The following CFAP97 variants were observed in gnomAD, a reference collection of about 807,000 sequenced individuals.
CFAP97 encodes cilia and flagella associated protein 97.
A neutral mutation model predicts 43.1 loss-of-function variants in CFAP97; 36 were observed. That is an observed-to-expected ratio of 0.84 (90% CI 0.64 to 1.10). The LOEUF is 1.10. Ranked by LOEUF, CFAP97 falls within the 50% of genes least tolerant of loss-of-function variation. CFAP97 has a pLI of 0.00. For synonymous variants in CFAP97, 228 were observed against 225.7 expected, an observed-to-expected ratio of 1.01 and a Z score of -0.09; for missense variants, 657 against 620.3, an observed-to-expected ratio of 1.06 and a Z score of -0.63.
intron 3 of CFAP97, chr4:185,169,775 A>C (rs1735222114): frequency 1.0e-6 from 1 of 985,350 alleles, no homozygotes; most frequent in Non-Finnish European, 1.2e-6. Flanking sequence ...ACTGTCCCCC[A>C]CACAGGCAGA....
intron 2 of CFAP97, among the ~76,000 whole-genome samples, chr4:185,187,966 G>A (rs1398615645): frequency 2.0e-4 from 31 of 151,392 alleles, no homozygotes; most frequent in African/African-American, 6.3e-4. Flanking sequence ...GCGTGATCTC[G>A]GCTAACTGCA....
intron 2 of CFAP97, among the ~76,000 whole-genome samples, chr4:185,187,839 T>C (rs1428128746): frequency 6.6e-6 from 1 of 152,000 alleles, no homozygotes; most frequent in African/African-American, 2.4e-5. Context: ...ATGCACTGCC[T>C]GGGATGAGAA....
chr4:185,203,138 C>CCCAG (rs1430916773), intron 1 of CFAP97, among the ~76,000 whole-genome samples: 280 of 152,246 alleles, frequency 1.8e-3, no homozygotes, highest in Non-Finnish European at 2.9e-3. Context: ...AGTTGGGAGG[C>CCCAG]TGCAGTGAGA....
At chr4:185,199,983 T>G (rs1437660616) in intron 1 of CFAP97, among the ~76,000 whole-genome samples, 3 of 152,244 alleles carry the variant, frequency 2.0e-5, no homozygotes, top group African/African-American at 7.2e-5. Context: ...CAAGTCTTAC[T>G]TTTCAAGAAA....
intron 2 of CFAP97, among the ~76,000 whole-genome samples, chr4:185,182,874 C>T (rs887815430): frequency 1.3e-5 from 2 of 151,452 alleles, no homozygotes; most frequent in South Asian, 4.2e-4. Context: ...CTGACACGGG[C>T]GGATCATCTG....
chr4:185,207,981 C>G (rs1336361673), upstream of CFAP97, among the ~76,000 whole-genome samples: 1 of 152,198 alleles, frequency 6.6e-6, no homozygotes, highest in Non-Finnish European at 1.5e-5. Context: ...TTGTTGATAA[C>G]AAGCCACTGT....
rs1347693276 is a variant in CFAP97, at chr4:185,175,833, C to A, written c.1273G>T (p.Ala425Ser). The A allele has an allele frequency of 6.2e-7, 1 of 1,613,878 alleles. No individual in the cohort carries two copies. Among genetic ancestry groups the A allele is most frequent in the East Asian group, 2.2e-5 (1 of 44,880 alleles). The change falls in exon 3 of 5, where the codon GCT becomes TCT. Residue 425 changes from alanine to serine, a missense_variant. Coordinates refer to ENST00000458385, the MANE Select transcript of CFAP97 (RefSeq NM_020827.3). Reference sequence around the variant, plus strand: ...TGTTGTTCCTTCTGTCTGTTGAGAGCACTGTGATATAACTTTGGGGGATGA... The same window carrying A: ...TGTTGTTCCTTCTGTCTGTTGAGAGAACTGTGATATAACTTTGGGGGATGA... The part of the protein sequence containing the change: ...ADHPPKLYHS[A>S]LNRQKEQQRI...
intron 2 of CFAP97, among the ~76,000 whole-genome samples, chr4:185,184,550 C>A (rs374406859): frequency 1.1e-4 from 16 of 152,284 alleles, no homozygotes; most frequent in African/African-American, 3.4e-4. Context: ...AAAACGGCTG[C>A]AGACATCTCC....
intron 3 of CFAP97, among the ~76,000 whole-genome samples, chr4:185,168,374 A>C (rs978924827): frequency 2.6e-5 from 4 of 152,002 alleles, no homozygotes; most frequent in African/African-American, 9.7e-5. Flanking sequence ...CGGGAGGCTG[A>C]GGCAGGCAGA....
At position 185,160,767 on chromosome 4, in the gene CFAP97, AAAGAT is replaced by A. The variant is rs1217315237; in HGVS notation, c.*2026_*2030del. 4.0e-5 allele frequency: 6 copies of A among 150,854 alleles called. No individual in the cohort carries two copies. Among genetic ancestry groups the A allele is most frequent in the African/African-American group, 7.3e-5 (3 of 41,258 alleles). The allele number at this position is 150,854 out of a possible 1,614,324, so 9.3% of individuals were successfully genotyped here. A position where few individuals can be genotyped will look rare whatever the true frequency, so the allele number is the denominator to read the frequency against. On this transcript the variant is annotated 3_prime_UTR_variant, in exon 5 of 5. Transcript: ENST00000458385. The stretch of plus-strand genomic sequence containing the variant: ...GTGTTGTATCCTGACATGTGGCAAC[AAAGAT>A]AATATAAAATGTACTCAGAGACTAA...
intron 3 of CFAP97, 106 bp downstream of exon 3, chr4:185,175,680 T>G: frequency 9.8e-7 from 1 of 1,024,634 alleles, no homozygotes; most frequent in Non-Finnish European, 1.5e-6. Context: ...CCTGCTTTTA[T>G]GTAATGAAGT....
At chr4:185,206,369 C>T (rs914626522), upstream of CFAP97, among the ~76,000 whole-genome samples, 9 of 152,260 alleles carry the variant, frequency 5.9e-5, no homozygotes, top group African/African-American at 2.2e-4. Flanking sequence ...GTCTGCAGGA[C>T]AGACAGAATG....
intron 3 of CFAP97, among the ~76,000 whole-genome samples, chr4:185,164,561 G>A (rs1207733139): frequency 6.6e-6 from 1 of 152,134 alleles, no homozygotes; most frequent in Non-Finnish European, 1.5e-5. Flanking sequence ...ACAGTCATGG[G>A]TTCTTAGTTT....
chr4:185,195,292 C>A (rs545339668), intron 1 of CFAP97, among the ~76,000 whole-genome samples: 1 of 152,104 alleles, frequency 6.6e-6, no homozygotes, highest in East Asian at 1.9e-4. Flanking sequence ...AGTTCCAGAC[C>A]ACATAATGAG....
At chr4:185,187,655 G>C (rs1736061091) in intron 2 of CFAP97, among the ~76,000 whole-genome samples, 1 of 151,906 alleles carries the variant, frequency 6.6e-6, no homozygotes, top group African/African-American at 2.4e-5. Context: ...CAACAACAAA[G>C]TGTGACTGGA....
chr4:185,209,890 G>A (rs1017152282), upstream of CFAP97: 227 of 983,190 alleles, frequency 2.3e-4, no homozygotes, highest in Middle Eastern at 5.2e-4. The surrounding 1 kb of genome is among the most constrained non-coding windows in gnomAD (Gnocchi z 5.2). Context: ...CGCAGGCGCC[G>A]GCGGCCGTCC....
chr4:185,196,711 A>G (rs542194648), intron 1 of CFAP97, among the ~76,000 whole-genome samples: 1 of 152,338 alleles, frequency 6.6e-6, no homozygotes, highest in Non-Finnish European at 1.5e-5. Flanking sequence ...GGTATTAGAC[A>G]GTGTCAAGTG....
At chr4:185,198,657 C>T (rs970849549) in intron 1 of CFAP97, among the ~76,000 whole-genome samples, 5 of 151,848 alleles carry the variant, frequency 3.3e-5, no homozygotes, top group African/African-American at 7.3e-5. Context: ...GGTGTGGTGG[C>T]GCATGCCTGT....
chr4:185,184,661 T>A (rs1172830637), intron 2 of CFAP97, among the ~76,000 whole-genome samples: 2 of 152,206 alleles, frequency 1.3e-5, no homozygotes, highest in Non-Finnish European at 1.5e-5. Context: ...CCCTGAAGTC[T>A]AGCGTGTCTT....
Sources: allele counts gnomAD v4.1 joint callset (sites outside exome capture counted in the v4.1 genomes callset), GRCh38; gene constraint gnomAD v4.1.1; non-coding constraint Gnocchi (gnomAD v3.1); transcripts MANE v1.5; gene names NCBI Gene and HGNC (gene_info 2026-07-23, HGNC 2026-07-21).